OR2L13: variants seen among roughly 807,000 people sequenced by gnomAD.
OR2L13 encodes olfactory receptor family 2 subfamily L member 13, also known as olfactory receptor 2L13.
A neutral mutation model predicts 15.3 loss-of-function variants in OR2L13; 14 were observed. The observed-to-expected ratio is 0.91, with a 90% CI of 0.60 to 1.43. The LOEUF is 1.43. OR2L13 is among the 40% of genes most tolerant of loss of function. OR2L13 has a pLI of 0.00. For synonymous variants in OR2L13, 152 were observed against 142.9 expected, an observed-to-expected ratio of 1.06 and a Z score of -0.45; for missense variants, 367 against 387.9, an observed-to-expected ratio of 0.95 and a Z score of 0.45.
At chr1:247,958,411 G>A in the OR2L13 span, among the ~76,000 whole-genome samples, 121,501 of 152,152 alleles carry the variant, frequency 0.8, 52,699 homozygotes, top group South Asian at 0.95. Context: ...AAAAAAATGT[G>A]TATTCTGTTG....
chr1:248,065,013 C>T, the OR2L13 span, among the ~76,000 whole-genome samples: 13,273 of 152,226 alleles, frequency 0.087, 607 homozygotes, highest in East Asian at 0.16. Context: ...AGAAGAACAA[C>T]GGAGAAAGAA....
chr1:248,043,696 G>C, the OR2L13 span, among the ~76,000 whole-genome samples: 1 of 152,148 alleles, frequency 6.6e-6, no homozygotes, highest in Non-Finnish European at 1.5e-5. Context: ...CAGGTCCCCA[G>C]TGCAAAGCAA....
At chr1:247,980,728 A>G in the OR2L13 span, 1 of 152,184 alleles carries the variant, frequency 6.6e-6, no homozygotes, top group African/African-American at 2.4e-5. Context: ...CTTGTTCTTC[A>G]GGTAAAGAAA....
the OR2L13 span, among the ~76,000 whole-genome samples, chr1:248,059,337 C>T: frequency 3.2e-4 from 48 of 152,210 alleles, no homozygotes; most frequent in African/African-American, 9.6e-4. Context: ...CACCTCTACC[C>T]GGAAGTTTGT....
the OR2L13 span, among the ~76,000 whole-genome samples, chr1:248,010,412 G>T: frequency 6.6e-6 from 1 of 152,148 alleles, no homozygotes; most frequent in African/African-American, 2.4e-5. Flanking sequence ...TTGATTTGGG[G>T]TGGAGAGTAC....
At chr1:247,965,957 A>G in the OR2L13 span, 1 of 1,608,906 alleles carries the variant, frequency 6.2e-7, no homozygotes, top group Non-Finnish European at 8.5e-7. Context: ...GACACCTCCC[A>G]GTATGAGTAT....
At chr1:248,084,198 A>C in the OR2L13 span, 5 of 1,611,616 alleles carry the variant, frequency 3.1e-6, no homozygotes, top group Admixed American at 8.3e-5. Context: ...CCAGCTCATG[A>C]GAGTGGGATA....
At chr1:247,953,817 T>C in the OR2L13 span, among the ~76,000 whole-genome samples, 1 of 152,148 alleles carries the variant, frequency 6.6e-6, no homozygotes, top group Non-Finnish European at 1.5e-5. Context: ...ATTGGGGGAA[T>C]GCAGTGTACC....
chr1:248,071,706 A>T, the OR2L13 span, among the ~76,000 whole-genome samples: 3 of 150,700 alleles, frequency 2.0e-5, no homozygotes, highest in African/African-American at 7.3e-5. Flanking sequence ...TGCAGACGAG[A>T]TGATTGTATA....
At chr1:248,007,228 A>T in the OR2L13 span, among the ~76,000 whole-genome samples, 1 of 152,202 alleles carries the variant, frequency 6.6e-6, no homozygotes, top group Non-Finnish European at 1.5e-5. Flanking sequence ...GGCATCATTG[A>T]AATCACTCCT....
chr1:248,078,261 T>A, the OR2L13 span, among the ~76,000 whole-genome samples: 1 of 152,056 alleles, frequency 6.6e-6, no homozygotes, highest in Non-Finnish European at 1.5e-5. Context: ...GGCGGGTGGA[T>A]CACGAGGTCA....
the OR2L13 span, among the ~76,000 whole-genome samples, chr1:247,981,996 T>C: frequency 1.3e-5 from 2 of 152,062 alleles, no homozygotes; most frequent in African/African-American, 4.8e-5. Context: ...TTTGTATTTT[T>C]AGTAGAGACG....
the OR2L13 span, chr1:248,003,115 A>T: frequency 8.4e-7 from 1 of 1,190,270 alleles, no homozygotes; most frequent in Non-Finnish European, 1.3e-6. Flanking sequence ...TTCCGGATGG[A>T]TTGTAGGAAT....
the OR2L13 span, among the ~76,000 whole-genome samples, chr1:247,971,219 C>CT: frequency 1.3e-5 from 2 of 151,692 alleles, no homozygotes; most frequent in East Asian, 1.9e-4. Context: ...TTTTACTTTG[C>CT]TTTTTTTTAG....
the OR2L13 span, among the ~76,000 whole-genome samples, chr1:248,025,788 T>C: frequency 6.6e-6 from 1 of 151,932 alleles, no homozygotes; most frequent in Non-Finnish European, 1.5e-5. Context: ...GATGAGTTCA[T>C]GTCCTTTGTA....
chr1:248,041,937 G>C, the OR2L13 span: 3 of 152,188 alleles, frequency 2.0e-5, no homozygotes, highest in Admixed American at 6.5e-5. Flanking sequence ...CATTGTGGAA[G>C]TCAGTGTGGC....
At chr1:247,997,140 CAAAT>C in the OR2L13 span, 1 of 152,046 alleles carries the variant, frequency 6.6e-6, no homozygotes, top group Non-Finnish European at 1.5e-5. Flanking sequence ...CAAAATGTGT[CAAAT>C]AATTTATCTA....
At chr1:247,966,563 A>T in the OR2L13 span, among the ~76,000 whole-genome samples, 1 of 152,196 alleles carries the variant, frequency 6.6e-6, no homozygotes, top group East Asian at 1.9e-4. Context: ...AATCTACTTA[A>T]ACATTTAACC....
chr1:247,969,154 T>C, the OR2L13 span, among the ~76,000 whole-genome samples: 1 of 152,198 alleles, frequency 6.6e-6, no homozygotes, highest in Non-Finnish European at 1.5e-5. Flanking sequence ...TTTTGAGAAG[T>C]GTCTGCTCAT....
Sources: allele counts gnomAD v4.1 joint callset (sites outside exome capture counted in the v4.1 genomes callset), GRCh38; gene constraint gnomAD v4.1.1; transcripts MANE v1.5; gene names NCBI Gene and HGNC (gene_info 2026-07-23, HGNC 2026-07-21).